Variants in LINGO2 observed in about 807,000 individuals in gnomAD.
The protein encoded by LINGO2 is leucine-rich repeat and immunoglobulin-like domain-containing nogo receptor-interacting protein 2.
LINGO2 carries 14 observed loss-of-function variants against 30.6 expected under a neutral mutation model. That is an observed-to-expected ratio of 0.46 (90% CI 0.30 to 0.72). The LOEUF is 0.72. Among genes scored for constraint, LINGO2 ranks in the 30% least tolerant of loss-of-function variants. The pLI, the probability that LINGO2 is intolerant of heterozygous loss-of-function variation, is 0.07. For synonymous variants in LINGO2, 317 were observed against 288.5 expected (o/e 1.10, Z -1.00); for missense variants, 729 against 751.7 (o/e 0.97, Z 0.35).
At chr9:29,157,941 AT>A in the LINGO2 span, among the ~76,000 whole-genome samples, 1 of 152,178 alleles carries the variant, frequency 6.6e-6, no homozygotes, top group Non-Finnish European at 1.5e-5. Flanking sequence ...GTATAAAAAA[AT>A]ATACCAGACT....
the LINGO2 span, among the ~76,000 whole-genome samples, chr9:29,052,259 T>G: frequency 2.0e-5 from 3 of 152,286 alleles, no homozygotes; most frequent in South Asian, 6.2e-4. Context: ...CACTCATCCA[T>G]CTAGCAACCA....
At chr9:28,492,751 C>G (rs1826448045) in intron 1 of LINGO2, among the ~76,000 whole-genome samples, 1 of 152,060 alleles carries the variant, frequency 6.6e-6, no homozygotes, top group Non-Finnish European at 1.5e-5. Context: ...TGCCATAATA[C>G]AGTCCACTAG....
intron 1 of LINGO2, among the ~76,000 whole-genome samples, chr9:28,629,924 C>T (rs907618452): frequency 6.8e-6 from 1 of 146,588 alleles, no homozygotes; most frequent in Non-Finnish European, 1.5e-5. Context: ...CCTCCCCCAT[C>T]CCCCGACCCC....
the LINGO2 span, among the ~76,000 whole-genome samples, chr9:28,712,236 A>G: frequency 6.6e-6 from 1 of 152,246 alleles, no homozygotes; most frequent in South Asian, 2.1e-4. Context: ...TTAAGTGAGA[A>G]ATAAACGTTT....
At chr9:28,045,332 C>A (rs1824371141) in intron 4 of LINGO2, among the ~76,000 whole-genome samples, 1 of 152,252 alleles carries the variant, frequency 6.6e-6, no homozygotes. Flanking sequence ...ATTTTATAGA[C>A]AGACTGCTTA....
chr9:28,033,183 G>A (rs1823765853), intron 4 of LINGO2, among the ~76,000 whole-genome samples: 1 of 152,112 alleles, frequency 6.6e-6, no homozygotes, highest in Non-Finnish European at 1.5e-5. Context: ...ATGTTCAGTG[G>A]GCTTGCACAG....
the LINGO2 span, among the ~76,000 whole-genome samples, chr9:28,903,720 C>G: frequency 6.6e-6 from 1 of 152,064 alleles, no homozygotes; most frequent in Non-Finnish European, 1.5e-5. Context: ...TCAAGCTATC[C>G]TCCTGCCTTA....
chr9:28,987,759 G>T, the LINGO2 span, among the ~76,000 whole-genome samples: 98,978 of 151,876 alleles, frequency 0.65, 32,818 homozygotes, highest in Non-Finnish European at 0.72. Flanking sequence ...TTCATCTAAA[G>T]ATATTTTAAA....
intron 1 of LINGO2, among the ~76,000 whole-genome samples, chr9:28,602,072 G>A (rs1367452151): frequency 6.6e-6 from 1 of 152,066 alleles, no homozygotes; most frequent in African/African-American, 2.4e-5. Context: ...GCAAGGGAGT[G>A]GGGAGGCACA....
In LINGO2 at chr9:28,642,447, A is replaced by C. The variant is rs535267891; in HGVS notation, c.-365+27753T>G. 4.6e-5 allele frequency among the ~76,000 whole-genome samples: 7 copies of C among 152,264 alleles called. No homozygotes were observed. The East Asian group carries it at 1.4e-3, about 29-fold the overall frequency. ...AAAATAGCAATATTGTCATAGTTTA[A>C]CAAGAAACACAAAGAAAGTTGACTT... On this transcript the variant is annotated intron_variant, in intron 1 of 5. Transcript: ENST00000379992.
chr9:28,787,107 T>C, the LINGO2 span, among the ~76,000 whole-genome samples: 2 of 152,092 alleles, frequency 1.3e-5, no homozygotes, highest in Non-Finnish European at 2.9e-5. Flanking sequence ...CTTAGAATAG[T>C]TGTAATAATG....
chr9:29,001,195 C>T, the LINGO2 span, among the ~76,000 whole-genome samples: 2 of 151,828 alleles, frequency 1.3e-5, no homozygotes, highest in Non-Finnish European at 1.5e-5. Context: ...TACTTTAATA[C>T]AGGAAATGAG....
At chr9:28,941,754 A>T in the LINGO2 span, among the ~76,000 whole-genome samples, 1 of 152,100 alleles carries the variant, frequency 6.6e-6, no homozygotes. Context: ...TGGGGTTACT[A>T]TATATTTTAT....
At chr9:28,693,851 A>T in the LINGO2 span, among the ~76,000 whole-genome samples, 3 of 152,044 alleles carry the variant, frequency 2.0e-5, no homozygotes, top group Non-Finnish European at 4.4e-5. Flanking sequence ...ATGCTTTGAT[A>T]AATTGCTTTC....
Position 27,969,113 on chromosome 9 carries a change from G to A in LINGO2, c.-35-18407C>T, listed in dbSNP as rs1460812921. 2.9e-5 allele frequency among the ~76,000 whole-genome samples: 4 copies of A among 139,600 alleles called. No individual in the cohort carries two copies. In the East Asian group the frequency reaches 8.4e-4, roughly 29 times the overall value. 91.6% of individuals were successfully genotyped at this position (139,600 alleles called of 152,430 possible). ...AATGGCTCAGCAAACAGATTTTCATGATTCAAAATGAAGTGAAAAACAGAT... is the reference window on the plus strand; with the variant it reads ...AATGGCTCAGCAAACAGATTTTCATAATTCAAAATGAAGTGAAAAACAGAT... On this transcript the variant is annotated intron_variant, in intron 5 of 5. Coordinates refer to ENST00000379992, the Ensembl canonical transcript of LINGO2.
At chr9:28,953,171 T>C in the LINGO2 span, among the ~76,000 whole-genome samples, 7 of 152,282 alleles carry the variant, frequency 4.6e-5, no homozygotes, top group Admixed American at 2.6e-4. Flanking sequence ...AAGAGAGGCA[T>C]GATTGAATTG....
rs183878958 is a variant in LINGO2, at chr9:28,614,961, C to T, written c.-365+55239G>A. ...TATTAGCCTCCAACCTTACAGGCTT[C>T]TCACACAGTTCATTTAATATTGAAT... On this transcript the variant is annotated intron_variant, in intron 1 of 5. Transcript: ENST00000379992. Among the ~76,000 whole-genome samples the T allele has an allele frequency of 2.5e-3, 385 of 152,208 alleles. 1 individual carries two copies. Among genetic ancestry groups the T allele is most frequent in the African/African-American group, 9.0e-3 (373 of 41,550 alleles).
At chr9:27,971,875 A>G (rs1225193449) in intron 5 of LINGO2, among the ~76,000 whole-genome samples, 1 of 152,210 alleles carries the variant, frequency 6.6e-6, no homozygotes, top group Non-Finnish European at 1.5e-5. Context: ...TCTGTAGCAG[A>G]CAGACACATG....
Position 28,160,309 on chromosome 9 carries a change from T to C in LINGO2, c.-87+134899A>G, listed in dbSNP as rs191031721. ...TGAGCTTGCACTGATATCTGTGAGA[T>C]GTCTCCCTCATTAAACAGAGTAATG... On this transcript the variant is annotated intron_variant, in intron 4 of 5. Coordinates refer to ENST00000379992, the Ensembl canonical transcript of LINGO2. Among the ~76,000 whole-genome samples, 46 of 152,292 alleles carry C rather than the reference T, an allele frequency of 3.0e-4. 1 individual carries two copies. In the East Asian group the frequency reaches 7.9e-3, roughly 26 times the overall value.
Sources: gnomAD v4.1 joint callset for allele counts (sites outside exome capture counted in the v4.1 genomes callset) on GRCh38, gnomAD v4.1.1 for gene constraint, MANE v1.5 for transcripts, NCBI Gene and HGNC (gene_info 2026-07-23, HGNC 2026-07-21) for gene names.